The following NELL2 variants were observed in gnomAD, a reference collection of about 807,000 sequenced individuals.
The protein encoded by NELL2 is protein kinase C-binding protein NELL2.
Under a neutral mutation model 109.6 loss-of-function variants are expected in NELL2, and 41 were observed. The ratio of observed to expected loss-of-function variants is 0.37; its 90% confidence interval spans 0.29 to 0.49. The LOEUF (loss-of-function observed/expected upper bound fraction) is 0.49, where lower values mean the gene tolerates loss of function less well. Ranked by LOEUF, NELL2 falls within the 20% of genes least tolerant of loss-of-function variation. The pLI is 0.98. For missense variants in NELL2, 900 were observed against 1,008.3 expected, an observed-to-expected ratio of 0.89 and a Z score of 1.45; for synonymous variants, 355 against 344.7, an observed-to-expected ratio of 1.03 and a Z score of -0.33.
intron 15 of NELL2, among the ~76,000 whole-genome samples, chr12:44,593,219 T>C (rs1029258806): frequency 6.6e-6 from 1 of 152,162 alleles, no homozygotes; most frequent in African/African-American, 2.4e-5. Flanking sequence ...TAACTCTTTT[T>C]GAAGAATTGA....
chr12:44,845,915 C>G (rs1196488673), intron 2 of NELL2, among the ~76,000 whole-genome samples: 1 of 152,224 alleles, frequency 6.6e-6, no homozygotes, highest in Non-Finnish European at 1.5e-5. Context: ...TGCCTCGTCT[C>G]TATTCATGTC....
rs565209853 is a variant in NELL2, at chr12:44,714,483, A to T, written c.1086+167T>A. Among the ~76,000 whole-genome samples the T allele has an allele frequency of 2.3e-4, 35 of 152,184 alleles. 1 individual carries two copies. In the East Asian group the frequency reaches 5.0e-3, roughly 22 times the overall value. On this transcript the variant is annotated intron_variant, in intron 10 of 19. Transcript: ENST00000429094. ...AATTATTTTTCAACCACTAATTTAC[A>T]TGCTTAAAAATGAGAATTTCTTTAC...
chr12:44,803,587 G>A (rs530086244), intron 3 of NELL2, among the ~76,000 whole-genome samples: 1 of 151,984 alleles, frequency 6.6e-6, no homozygotes, highest in African/African-American at 2.4e-5. Flanking sequence ...CTTTTCTGTA[G>A]GTTTGCAGCT....
At chr12:44,906,954 C>T (rs1339201117) in intron 1 of NELL2, among the ~76,000 whole-genome samples, 3 of 152,082 alleles carry the variant, frequency 2.0e-5, no homozygotes, top group Non-Finnish European at 4.4e-5. Context: ...CCATAATCCC[C>T]GTGTGTCCTG....
chr12:44,745,018 C>G (rs894924549), intron 9 of NELL2, among the ~76,000 whole-genome samples: 2 of 152,158 alleles, frequency 1.3e-5, no homozygotes, highest in African/African-American at 4.8e-5. Context: ...AATTTTACAC[C>G]AATATCCTTG....
At chr12:44,741,313 T>C (rs932858168) in intron 9 of NELL2, among the ~76,000 whole-genome samples, 6 of 152,106 alleles carry the variant, frequency 3.9e-5, no homozygotes, top group Non-Finnish European at 5.9e-5. Context: ...CAATACAGTA[T>C]ATAAGGGGGA....
At chr12:44,631,258 A>C (rs1946447937) in intron 13 of NELL2, among the ~76,000 whole-genome samples, 1 of 148,280 alleles carries the variant, frequency 6.7e-6, no homozygotes, top group African/African-American at 2.4e-5. Flanking sequence ...AATATATATA[A>C]ACATTATTTT....
At chr12:44,586,314 A>C (rs546252623) in intron 15 of NELL2, among the ~76,000 whole-genome samples, 176 of 150,096 alleles carry the variant, frequency 1.2e-3, no homozygotes, top group African/African-American at 3.8e-3. Context: ...ACACACACAC[A>C]TATATATAAA....
chr12:44,809,094 T>C (rs528497365), intron 3 of NELL2, among the ~76,000 whole-genome samples: 36 of 152,034 alleles, frequency 2.4e-4, no homozygotes, highest in South Asian at 1.2e-3. Context: ...TTATTTTAAA[T>C]AAAGAAGAAA....
chr12:44,510,528 T>G (rs369925609), intron 19 of NELL2, among the ~76,000 whole-genome samples: 1 of 152,242 alleles, frequency 6.6e-6, no homozygotes, highest in African/African-American at 2.4e-5. Context: ...AAAGGAAACC[T>G]GAAAAGATTT....
At chr12:44,718,237 C>A (rs1429010470) in intron 9 of NELL2, among the ~76,000 whole-genome samples, 1 of 152,074 alleles carries the variant, frequency 6.6e-6, no homozygotes, top group Non-Finnish European at 1.5e-5. Context: ...TTAACCAAGG[C>A]GAACCCATGC....
intron 13 of NELL2, among the ~76,000 whole-genome samples, chr12:44,663,324 A>T (rs1481229127): frequency 6.6e-6 from 1 of 152,226 alleles, no homozygotes; most frequent in African/African-American, 2.4e-5. Flanking sequence ...TCTCTAAAAA[A>T]AATCCAAGTT....
intron 15 of NELL2, among the ~76,000 whole-genome samples, chr12:44,558,495 C>T (rs564234761): frequency 7.2e-4 from 109 of 152,268 alleles, no homozygotes; most frequent in African/African-American, 2.6e-3. Context: ...ACAGTGGGTG[C>T]AGCCCAGGGA....
intron 1 of NELL2, among the ~76,000 whole-genome samples, chr12:44,905,585 T>C (rs1432693191): frequency 6.6e-6 from 1 of 152,098 alleles, no homozygotes; most frequent in Non-Finnish European, 1.5e-5. Flanking sequence ...TGAATATAAA[T>C]TCCTTAATTA....
Position 44,665,477 on chromosome 12 carries a change from C to A in NELL2, c.1444+7G>T. The A allele has an allele frequency of 6.3e-6, 10 of 1,591,374 alleles. No homozygotes were observed. The highest frequency in any genetic ancestry group is 1.7e-5 in the Admixed American group (1 of 57,258). On this transcript the variant is annotated splice_region_variant and intron_variant, in intron 13 of 19. Transcript: ENST00000429094. ...AATATTTTATTTCACAAATAGCCACCGTTTACCTGTACATGAATAATCATC... is the reference window on the plus strand; with the variant it reads ...AATATTTTATTTCACAAATAGCCACAGTTTACCTGTACATGAATAATCATC...
intron 9 of NELL2, among the ~76,000 whole-genome samples, chr12:44,767,778 T>C (rs934615890): frequency 1.3e-5 from 2 of 152,076 alleles, no homozygotes. Flanking sequence ...ATTTACAATA[T>C]ATAAAAAGCC....
intron 1 of NELL2, among the ~76,000 whole-genome samples, chr12:44,909,656 T>C (rs387019): frequency 0.3 from 44,772 of 151,396 alleles, 6,955 homozygotes; most frequent in East Asian, 0.44. Context: ...AAGAACAATG[T>C]TAGAGGTATT....
intron 9 of NELL2, among the ~76,000 whole-genome samples, chr12:44,745,723 G>A (rs532880503): frequency 6.6e-5 from 10 of 151,968 alleles, no homozygotes; most frequent in East Asian, 1.9e-4. Flanking sequence ...TAAAATACCT[G>A]GGAATCCAAC....
In NELL2 at chr12:44,587,284, A is replaced by AAAAAAAAAAAAATATATATAT; in HGVS notation, c.1663+19884_1663+19885insATATATATATTTTTTTTTTTT. 4.3e-3 allele frequency among the ~76,000 whole-genome samples: 308 copies of AAAAAAAAAAAAATATATATAT among 71,894 alleles called. 1 individual carries two copies. The highest frequency in any genetic ancestry group is 7.1e-3 in the Non-Finnish European group (262 of 36,976). The allele number at this position is 71,894 out of a possible 152,430, so 47.2% of individuals were successfully genotyped here. Reference sequence around the variant, plus strand: ...AAGACTCCGTCTCAAAAAAAAAAAAAATATATATATATATATATATATATT... The same window carrying AAAAAAAAAAAAATATATATAT: ...AAGACTCCGTCTCAAAAAAAAAAAAAAAAAAAAAAAAATATATATATATATATATATATATATATATATATT... On this transcript the variant is annotated intron_variant, in intron 15 of 19. Coordinates refer to ENST00000429094, the MANE Select transcript of NELL2 (RefSeq NM_001145108.2).
Sources: allele counts gnomAD v4.1 joint callset (sites outside exome capture counted in the v4.1 genomes callset), GRCh38; gene constraint gnomAD v4.1.1; transcripts MANE v1.5; gene names NCBI Gene and HGNC (gene_info 2026-07-23, HGNC 2026-07-21).